Variants in NRXN1 observed in about 807,000 individuals in gnomAD.
The protein encoded by NRXN1 is neurexin-1.
Under a neutral mutation model 150.9 loss-of-function variants are expected in NRXN1, and 39 were observed. The ratio of observed to expected loss-of-function variants is 0.26; its 90% CI spans 0.20 to 0.34. The LOEUF is 0.34. Ranked by LOEUF, NRXN1 falls within the 10% of genes least tolerant of loss-of-function variation. The pLI is 1.00. For missense variants in NRXN1, 1,815 were observed against 1,949.9 expected (o/e 0.93, Z 1.30); for synonymous variants, 924 against 757.0 (o/e 1.22, Z -3.62).
At chr2:50,068,048 A>G (rs149393651) in intron 19 of NRXN1, among the ~76,000 whole-genome samples, 1,843 of 152,302 alleles carry the variant, frequency 0.012, 21 homozygotes, top group Non-Finnish European at 0.02. Flanking sequence ...GATGTGGCCT[A>G]TAAATGGAAC....
rs760279230 is a variant in NRXN1, at chr2:50,552,836, T to A, written c.1510A>T (p.Ile504Leu). Residue 504 changes from isoleucine to leucine, a missense_variant, in exon 9 of 23, where the codon ATA becomes TTA. Ile to Leu is a conservative substitution (Grantham distance 5). This residue lies in a region of NRXN1 where 638 missense variants were observed against 652.6 expected (regional missense o/e 0.98). Transcript: ENST00000401669. The stretch of plus-strand genomic sequence containing the variant: ...TCTGTTGTACGGAAATCAAATGATA[T>A]GGAGCCAGTTTTCTTTGCATTCCAT... The part of the protein sequence containing the change: ...PKWNAKKTGS[I>L]SFDFRTTEPN... 2 of 1,613,992 alleles carry A rather than the reference T, an allele frequency of 1.2e-6. No homozygotes were observed.
At chr2:50,365,447 A>G (rs1331196182) in intron 17 of NRXN1, among the ~76,000 whole-genome samples, 1 of 152,114 alleles carries the variant, frequency 6.6e-6, no homozygotes, top group East Asian at 1.9e-4. Context: ...CTATTTTCAC[A>G]GTTCATTTGT....
chr2:49,929,630 C>T (rs1336427547), intron 22 of NRXN1, among the ~76,000 whole-genome samples: 1 of 152,146 alleles, frequency 6.6e-6, no homozygotes, highest in Non-Finnish European at 1.5e-5. Flanking sequence ...AAGAGTTCAA[C>T]CTTTATGCCT....
intron 5 of NRXN1, among the ~76,000 whole-genome samples, chr2:50,777,954 A>G (rs1422149455): frequency 6.6e-6 from 1 of 152,188 alleles, no homozygotes; most frequent in African/African-American, 2.4e-5. Context: ...AGATAATACT[A>G]TCATTTCCAT....
At chr2:50,185,383 T>C (rs1203693601) in intron 18 of NRXN1, among the ~76,000 whole-genome samples, 3 of 152,036 alleles carry the variant, frequency 2.0e-5, no homozygotes, top group Admixed American at 6.6e-5. Context: ...CATATTTGTA[T>C]TGTATCTCTT....
At chr2:50,316,961 A>T (rs1056429021) in intron 17 of NRXN1, among the ~76,000 whole-genome samples, 4 of 152,124 alleles carry the variant, frequency 2.6e-5, no homozygotes, top group African/African-American at 9.6e-5. Context: ...CAAAATTACA[A>T]TTCGAAAATA....
intron 8 of NRXN1, among the ~76,000 whole-genome samples, chr2:50,582,841 G>A (rs1672502248): frequency 6.6e-6 from 1 of 151,984 alleles, no homozygotes; most frequent in Non-Finnish European, 1.5e-5. Flanking sequence ...ATCAACCCCC[G>A]CAATAGCTAT....
At chr2:50,843,845 C>A (rs528777029) in intron 5 of NRXN1, among the ~76,000 whole-genome samples, 1 of 152,292 alleles carries the variant, frequency 6.6e-6, no homozygotes, top group South Asian at 2.1e-4. Context: ...CCCCTTCCCT[C>A]AAACGTCTCA....
intron 8 of NRXN1, among the ~76,000 whole-genome samples, chr2:50,578,974 A>G (rs1346686238): frequency 6.6e-6 from 1 of 152,070 alleles, no homozygotes; most frequent in Admixed American, 6.6e-5. Flanking sequence ...TGTAACCATC[A>G]CTTCTTACCT....
chr2:51,030,113 T>A (rs1429489421), intron 1 of NRXN1, among the ~76,000 whole-genome samples: 1 of 152,174 alleles, frequency 6.6e-6, no homozygotes, highest in Non-Finnish European at 1.5e-5. Flanking sequence ...ATCACTGATT[T>A]TTTTCCTAAG....
chr2:50,040,568 A>AT (rs1433590452), intron 21 of NRXN1, among the ~76,000 whole-genome samples: 1 of 152,068 alleles, frequency 6.6e-6, no homozygotes, highest in Non-Finnish European at 1.5e-5. Context: ...ATTAAAAGAC[A>AT]TTTACTCTGG....
intron 17 of NRXN1, among the ~76,000 whole-genome samples, chr2:50,322,757 A>G (rs1416365902): frequency 6.6e-6 from 1 of 152,222 alleles, no homozygotes; most frequent in Non-Finnish European, 1.5e-5. Flanking sequence ...TTCAAAAGCT[A>G]CAATTTAAAA....
intron 5 of NRXN1, among the ~76,000 whole-genome samples, chr2:50,641,459 T>C (rs1684065757): frequency 6.6e-6 from 1 of 152,074 alleles, no homozygotes; most frequent in Non-Finnish European, 1.5e-5. Context: ...ACATTCTCCA[T>C]CTAGCTCAGA....
intron 18 of NRXN1, among the ~76,000 whole-genome samples, chr2:50,217,030 C>T (rs1298927645): frequency 6.6e-6 from 1 of 152,004 alleles, no homozygotes; most frequent in African/African-American, 2.4e-5. Context: ...AAAGCAATGA[C>T]CTTGTCATGT....
intron 17 of NRXN1, among the ~76,000 whole-genome samples, chr2:50,326,436 T>C (rs1482692833): frequency 6.6e-6 from 1 of 152,230 alleles, no homozygotes; most frequent in Non-Finnish European, 1.5e-5. Context: ...TTTTCATAAG[T>C]ATTTTAATTT....
chr2:50,549,069 T>C (rs142942166), intron 9 of NRXN1, among the ~76,000 whole-genome samples: 426 of 152,266 alleles, frequency 2.8e-3, no homozygotes, highest in African/African-American at 9.9e-3. Context: ...ATAATATTCA[T>C]ATAGCCCCTG....
At chr2:50,448,583 A>T (rs1031146429) in intron 17 of NRXN1, among the ~76,000 whole-genome samples, 1 of 152,250 alleles carries the variant, frequency 6.6e-6, no homozygotes, top group Non-Finnish European at 1.5e-5. Context: ...GCTATTTGGG[A>T]AAGTGTAGTT....
At chr2:50,341,343 T>C (rs2077534066) in intron 17 of NRXN1, among the ~76,000 whole-genome samples, 9 of 152,052 alleles carry the variant, frequency 5.9e-5, no homozygotes, top group Admixed American at 5.9e-4. Flanking sequence ...GTCTTCTGAT[T>C]TTAAGGTCTA....
intron 17 of NRXN1, among the ~76,000 whole-genome samples, chr2:50,453,927 A>T (rs577890139): frequency 1.3e-5 from 2 of 152,326 alleles, no homozygotes; most frequent in African/African-American, 4.8e-5. Flanking sequence ...TTTCACAATG[A>T]TCTGATGATT....
Sources: allele counts gnomAD v4.1 joint callset (sites outside exome capture counted in the v4.1 genomes callset), GRCh38; gene constraint gnomAD v4.1.1; regional missense constraint gnomAD v4.1.1; transcripts MANE v1.5; gene names NCBI Gene and HGNC (gene_info 2026-07-23, HGNC 2026-07-21).